Variants in TBC1D22A observed in about 807,000 individuals in gnomAD.
TBC1D22A encodes TBC1 domain family member 22A.
A neutral mutation model predicts 60.2 loss-of-function variants in TBC1D22A; 38 were observed. The ratio of observed to expected loss-of-function variants is 0.63; its 90% confidence interval spans 0.49 to 0.83. The LOEUF (loss-of-function observed/expected upper bound fraction) is 0.83, where lower values mean the gene tolerates loss of function less well. Among genes scored for constraint, TBC1D22A ranks in the 40% least tolerant of loss-of-function variants. TBC1D22A has a pLI of 0.00. For missense variants in TBC1D22A, 628 were observed against 701.0 expected (o/e 0.90, Z 1.18); for synonymous variants, 302 against 281.7 (o/e 1.07, Z -0.72).
At chr22:46,811,430 G>A (rs2085371068) in intron 4 of TBC1D22A, among the ~76,000 whole-genome samples, 1 of 152,314 alleles carries the variant, frequency 6.6e-6, no homozygotes, top group East Asian at 1.9e-4. Context: ...ATTTGTGGGT[G>A]CATCTTGTCT....
chr22:46,900,183 C>T (rs186443840), intron 7 of TBC1D22A, among the ~76,000 whole-genome samples: 33 of 149,884 alleles, frequency 2.2e-4, no homozygotes, highest in African/African-American at 7.9e-4. Context: ...GAGCCTCGCT[C>T]TGTTGCCTAG....
intron 11 of TBC1D22A, among the ~76,000 whole-genome samples, chr22:47,042,146 A>G (rs1020313614): frequency 6.6e-6 from 1 of 151,404 alleles, no homozygotes; most frequent in Non-Finnish European, 1.5e-5. Flanking sequence ...CTTCCCTTTC[A>G]TACTGTGTCA....
intron 12 of TBC1D22A, among the ~76,000 whole-genome samples, chr22:47,138,006 C>T (rs769782256): frequency 3.9e-5 from 6 of 152,256 alleles, no homozygotes; most frequent in South Asian, 2.1e-4. Flanking sequence ...TTGCAAATGC[C>T]GGAGAAACAC....
chr22:46,965,923 G>T lies in TBC1D22A; in HGVS notation c.1016-8367G>T, dbSNP rs570673096. Among the ~76,000 whole-genome samples, 27 of 152,304 alleles carry T rather than the reference G, an allele frequency of 1.8e-4. No homozygotes were observed. In the South Asian group the frequency reaches 4.1e-3, roughly 23 times the overall value. On this transcript the variant is annotated intron_variant, in intron 8 of 12. Transcript: ENST00000337137. ...CGCCTGTGCCCACCTCGTTTCCACA[G>T]CGCTGGCTTCATCACGTCCCTCCCT...
intron 12 of TBC1D22A, among the ~76,000 whole-genome samples, chr22:47,161,666 G>A (rs901724958): frequency 1.3e-5 from 2 of 152,324 alleles, no homozygotes; most frequent in Admixed American, 6.5e-5. Context: ...TGAGTGTCTC[G>A]TCTTGGGTGC....
At chr22:46,863,941 T>C (rs1338424246) in intron 4 of TBC1D22A, among the ~76,000 whole-genome samples, 1 of 152,180 alleles carries the variant, frequency 6.6e-6, no homozygotes, top group Admixed American at 6.5e-5. Context: ...GCTCAGCATC[T>C]AGCATTGTAC....
chr22:46,922,560 A>G (rs1398813193), intron 8 of TBC1D22A, among the ~76,000 whole-genome samples: 4 of 152,226 alleles, frequency 2.6e-5, no homozygotes, highest in South Asian at 2.1e-4. Context: ...CTTCCTATCC[A>G]TGAGCATAGA....
chr22:46,793,989 C>T (rs2084541414), intron 3 of TBC1D22A, 148 bp downstream of exon 3: 2 of 804,894 alleles, frequency 2.5e-6, no homozygotes, highest in South Asian at 1.8e-5. Context: ...GGTTCTCTTC[C>T]AAGGGTAGGG....
chr22:46,951,854 C>G (rs2072923872), intron 8 of TBC1D22A, among the ~76,000 whole-genome samples: 1 of 152,234 alleles, frequency 6.6e-6, no homozygotes, highest in Non-Finnish European at 1.5e-5. Context: ...TGAGCACATC[C>G]AGGTGATGAC....
intron 8 of TBC1D22A, among the ~76,000 whole-genome samples, chr22:46,912,658 G>A (rs888748183): frequency 6.6e-6 from 1 of 152,214 alleles, no homozygotes; most frequent in Non-Finnish European, 1.5e-5. Context: ...CCGGGTTCAA[G>A]TGATTCTCCT....
chr22:47,065,638 T>G (rs2063732584), intron 11 of TBC1D22A, among the ~76,000 whole-genome samples: 1 of 152,282 alleles, frequency 6.6e-6, no homozygotes, highest in Admixed American at 6.5e-5. Context: ...GCCTCGGAGT[T>G]GGGACTGGGT....
rs377472555 is a variant in TBC1D22A, at chr22:47,149,463, C to T, written c.1426-24035C>T. On this transcript the variant is annotated intron_variant, in intron 12 of 12. Transcript: ENST00000337137. ...AGAAAAAGCTCTCCCGTGTATACAG[C>T]GTGCCACCCCCACGGCCACAGGCCA... 2.4e-4 allele frequency among the ~76,000 whole-genome samples: 36 copies of T among 152,390 alleles called. No individual in the cohort carries two copies. The East Asian group carries it at 4.0e-3, about 17-fold the overall frequency.
chr22:46,970,498 A>T (rs114909937), intron 8 of TBC1D22A, among the ~76,000 whole-genome samples: 3,942 of 152,118 alleles, frequency 0.026, 151 homozygotes, highest in African/African-American at 0.084. Context: ...ATGTTTTGGG[A>T]GATAAACCTG....
chr22:46,883,542 G>A (rs2067956908), intron 5 of TBC1D22A, among the ~76,000 whole-genome samples: 1 of 152,162 alleles, frequency 6.6e-6, no homozygotes, highest in Non-Finnish European at 1.5e-5. Context: ...TGACGTGCTT[G>A]CCTTTTAGAA....
rs192583414 is a variant in TBC1D22A, at chr22:47,103,299, C to T, written c.1330-8209C>T. 8.9e-4 allele frequency among the ~76,000 whole-genome samples: 136 copies of T among 152,270 alleles called. 1 individual carries two copies. The highest frequency in any genetic ancestry group is 3.1e-3 in the African/African-American group (127 of 41,556). On this transcript the variant is annotated intron_variant, in intron 11 of 12. Transcript: ENST00000337137. ...TGGACCATGACAGTGTGGCATGTGC[C>T]GCGGAGACATGGCCAGGGCTCCTGG...
intron 8 of TBC1D22A, among the ~76,000 whole-genome samples, chr22:46,934,893 G>A (rs1175247732): frequency 6.6e-6 from 1 of 152,218 alleles, no homozygotes; most frequent in Non-Finnish European, 1.5e-5. Context: ...GGTGGCCACA[G>A]CGTTTTCACA....
At chr22:47,168,245 G>A (rs1601748114) in intron 12 of TBC1D22A, among the ~76,000 whole-genome samples, 1 of 150,254 alleles carries the variant, frequency 6.7e-6, no homozygotes, top group East Asian at 2.0e-4. Context: ...CTGTGGGCTC[G>A]GTTTTGGGGA....
Position 46,871,725 on chromosome 22 carries a change from A to G in TBC1D22A, c.638-6928A>G, listed in dbSNP as rs577045554. Among the ~76,000 whole-genome samples the G allele has an allele frequency of 1.3e-4, 20 of 152,368 alleles. No individual in the cohort carries two copies. In the South Asian group the frequency reaches 3.9e-3, roughly 30 times the overall value. On this transcript the variant is annotated intron_variant, in intron 4 of 12. Transcript: ENST00000337137. ...AAACTTTATACTTTTAAATGCCTGTATGAGAAAAGAATAAAGGTTTCCAAT... is the reference window on the plus strand; with the variant it reads ...AAACTTTATACTTTTAAATGCCTGTGTGAGAAAAGAATAAAGGTTTCCAAT...
intron 4 of TBC1D22A, among the ~76,000 whole-genome samples, chr22:46,875,417 G>A (rs1368582336): frequency 6.6e-6 from 1 of 152,098 alleles, no homozygotes; most frequent in Non-Finnish European, 1.5e-5. Flanking sequence ...AAGGGCAATA[G>A]ACATGTTCTG....
Sources: gnomAD v4.1 joint callset for allele counts (sites outside exome capture counted in the v4.1 genomes callset) on GRCh38, gnomAD v4.1.1 for gene constraint, MANE v1.5 for transcripts, NCBI Gene and HGNC (gene_info 2026-07-23, HGNC 2026-07-21) for gene names.